The following TANC2 variants were observed in gnomAD, a reference collection of about 807,000 sequenced individuals.
TANC2 encodes the protein protein TANC2.
TANC2 carries 26 observed loss-of-function variants against 210.5 expected under a neutral mutation model. The ratio of observed to expected loss-of-function variants is 0.12; its 90% confidence interval spans 0.09 to 0.17. The LOEUF (loss-of-function observed/expected upper bound fraction) is 0.17, where lower values mean the gene tolerates loss of function less well. Among genes scored for constraint, TANC2 ranks in the 10% least tolerant of loss-of-function variants. TANC2 has a pLI of 1.00. For missense variants in TANC2, 2,129 were observed against 2,608.9 expected (o/e 0.82, Z 4.01); for synonymous variants, 931 against 967.1 (o/e 0.96, Z 0.69).
chr17:63,023,809 A>G (rs558592177), intron 2 of TANC2, among the ~76,000 whole-genome samples: 3 of 152,336 alleles, frequency 2.0e-5, no homozygotes, highest in South Asian at 4.1e-4. Flanking sequence ...ATACTGTGCT[A>G]TAAAATAAAA....
intron 4 of TANC2, among the ~76,000 whole-genome samples, chr17:63,109,721 GTC>G (rs1174102235): frequency 2.6e-5 from 4 of 151,726 alleles, no homozygotes; most frequent in Admixed American, 2.0e-4. Context: ...ATAGTCAACA[GTC>G]TCTGTGTGAA....
chr17:63,056,970 C>T (rs1268109306), intron 2 of TANC2, among the ~76,000 whole-genome samples: 2 of 151,614 alleles, frequency 1.3e-5, no homozygotes, highest in Non-Finnish European at 2.9e-5. Context: ...TGACATAATT[C>T]AAAGGCAAGG....
chr17:63,328,576 A>G (rs1042007728), intron 11 of TANC2, among the ~76,000 whole-genome samples: 3 of 152,014 alleles, frequency 2.0e-5, no homozygotes, highest in African/African-American at 7.2e-5. Flanking sequence ...TGTGGAATCT[A>G]AAAAAGTTAA....
intron 8 of TANC2, among the ~76,000 whole-genome samples, chr17:63,246,697 G>A (rs2042929056): frequency 6.6e-6 from 1 of 151,916 alleles, no homozygotes; most frequent in African/African-American, 2.4e-5. Flanking sequence ...ACCATATTAT[G>A]TCTATTCATT....
chr17:63,016,011 A>T (rs1480869078), intron 2 of TANC2, among the ~76,000 whole-genome samples: 1 of 152,140 alleles, frequency 6.6e-6, no homozygotes, highest in East Asian at 1.9e-4. Flanking sequence ...AATTTCAGAT[A>T]TTCGGGAATT....
At chr17:63,223,507 G>A (rs1445602827) in intron 7 of TANC2, among the ~76,000 whole-genome samples, 2 of 152,060 alleles carry the variant, frequency 1.3e-5, no homozygotes, top group African/African-American at 2.4e-5. Flanking sequence ...TCCGAAGCAG[G>A]AGCAACAGCA....
intron 2 of TANC2, among the ~76,000 whole-genome samples, chr17:63,055,985 AAAAAAATATATATAT>A (rs1465791949): frequency 5.9e-4 from 10 of 16,822 alleles, no homozygotes; most frequent in African/African-American, 1.2e-3. Flanking sequence ...AAAAAAAAAA[AAAAAAATATATATAT>A]ATATATATAT....
chr17:63,339,298 C>T (rs974797212), intron 11 of TANC2, among the ~76,000 whole-genome samples: 1 of 152,080 alleles, frequency 6.6e-6, no homozygotes, highest in African/African-American at 2.4e-5. Context: ...GAAAAGTGGT[C>T]CAGATTAAAA....
At chr17:63,354,637 T>C in intron 13 of TANC2, 146 bp from the exon 14 acceptor site, 4 of 1,014,712 alleles carry the variant, frequency 3.9e-6, no homozygotes, top group Non-Finnish European at 5.5e-6. Flanking sequence ...CTAATTTGTT[T>C]TACTTTTTGG....
intron 2 of TANC2, among the ~76,000 whole-genome samples, chr17:63,052,966 G>A (rs1277416793): frequency 6.6e-6 from 1 of 152,190 alleles, no homozygotes; most frequent in Non-Finnish European, 1.5e-5. Context: ...CTCTCCGGCT[G>A]TGCAAAAATA....
In TANC2 at chr17:63,124,732, G is replaced by A. The variant is rs541369463; in HGVS notation, c.322+25375G>A. Among the ~76,000 whole-genome samples, 27 of 152,302 alleles carry A rather than the reference G, an allele frequency of 1.8e-4. 1 individual carries two copies. In the South Asian group the frequency reaches 5.0e-3, roughly 28 times the overall value. ...AACTGGGCGGCACAGCAGGATGTGA[G>A]CCTGCAGGCGAGCAAGCATTACTGC... is the stretch of plus-strand genomic sequence containing the variant. On this transcript the variant is annotated intron_variant, in intron 4 of 27. Transcript: ENST00000689528.
intron 2 of TANC2, among the ~76,000 whole-genome samples, chr17:63,023,912 G>A (rs2034448156): frequency 6.6e-6 from 1 of 152,168 alleles, no homozygotes; most frequent in Non-Finnish European, 1.5e-5. Context: ...CCACAAATTT[G>A]TAGCAATTCT....
chr17:63,112,389 C>A (rs539605496), intron 4 of TANC2, among the ~76,000 whole-genome samples: 4 of 152,080 alleles, frequency 2.6e-5, no homozygotes, highest in Non-Finnish European at 5.9e-5. Flanking sequence ...AGGCAAAGTT[C>A]CAGGGAGGAC....
chr17:63,220,740 A>G (rs199981369), intron 7 of TANC2, among the ~76,000 whole-genome samples: 22 of 145,328 alleles, frequency 1.5e-4, no homozygotes, highest in African/African-American at 4.0e-4. Context: ...ATATATATGT[A>G]TATATATATG....
intron 4 of TANC2, among the ~76,000 whole-genome samples, chr17:63,141,625 A>G (rs1011280713): frequency 4.0e-5 from 6 of 151,892 alleles, no homozygotes; most frequent in African/African-American, 1.4e-4. Flanking sequence ...AAGTGAGGTA[A>G]TTGTTTTTAG....
intron 4 of TANC2, among the ~76,000 whole-genome samples, chr17:63,122,568 C>A (rs1428166656): frequency 6.6e-6 from 1 of 152,000 alleles, no homozygotes; most frequent in Admixed American, 6.6e-5. Flanking sequence ...GAAACCCCGT[C>A]TCTACTAAAA....
chr17:63,414,693 G>A (rs1029067695), intron 25 of TANC2, among the ~76,000 whole-genome samples: 3 of 152,146 alleles, frequency 2.0e-5, no homozygotes, highest in Admixed American at 6.5e-5. Context: ...GGTGCTAAGG[G>A]AAAAGTAAAA....
At chr17:62,998,537 TG>T (rs2143679556) in intron 1 of TANC2, among the ~76,000 whole-genome samples, 1 of 152,332 alleles carries the variant, frequency 6.6e-6, no homozygotes, top group Admixed American at 6.5e-5. Context: ...AAGGGAACCC[TG>T]GTTAACAGCA....
At chr17:63,142,734 A>G (rs1458426837) in intron 4 of TANC2, among the ~76,000 whole-genome samples, 3 of 152,184 alleles carry the variant, frequency 2.0e-5, no homozygotes, top group Non-Finnish European at 4.4e-5. Context: ...GTAACCATAA[A>G]ATTTTCATGA....
Sources: allele counts gnomAD v4.1 joint callset (sites outside exome capture counted in the v4.1 genomes callset), GRCh38; gene constraint gnomAD v4.1.1; transcripts MANE v1.5; gene names NCBI Gene and HGNC (gene_info 2026-07-23, HGNC 2026-07-21).